Variants in IRF1 observed in about 807,000 individuals in gnomAD.
The protein encoded by IRF1 is interferon regulatory factor 1.
IRF1 carries 13 observed loss-of-function variants against 43.7 expected under a neutral mutation model. The observed-to-expected ratio is 0.30, with a 90% CI of 0.19 to 0.47. The LOEUF is 0.47. IRF1 is among the 20% of genes least tolerant of loss of function. IRF1 has a pLI of 0.99. For synonymous variants in IRF1, 138 were observed against 146.8 expected, an observed-to-expected ratio of 0.94 and a Z score of 0.43; for missense variants, 236 against 408.9, an observed-to-expected ratio of 0.58 and a Z score of 3.65.
intron 7 of IRF1, 87 bp downstream of exon 7, chr5:132,486,164 G>A (rs755030113): frequency 6.0e-5 from 92 of 1,536,108 alleles, no homozygotes; most frequent in Non-Finnish European, 6.3e-5. Flanking sequence ...AGTGCCAGGT[G>A]GAGTTCTGAT....
intron 9 of IRF1, 78 bp downstream of exon 9, chr5:132,484,284 G>GCCCTGC: frequency 6.4e-7 from 1 of 1,569,220 alleles, no homozygotes. Context: ...CTGCTCCCTG[G>GCCCTGC]CCCTGCCCCC....
Position 132,483,972 on chromosome 5 carries a change from C to T in IRF1, c.957G>A (p.Gln319=). Residue 319 remains glutamine, a synonymous_variant, in exon 10 of 10, where the codon CAG becomes CAA. Coordinates refer to ENST00000245414, the MANE Select transcript of IRF1 (RefSeq NM_002198.3). ...LLTPVRLPSI[Q]AIPCAP is the part of the protein sequence containing the mutation. Reference sequence around the variant, plus strand: ...CCTGCTACGGTGCACAGGGAATGGCCTGGATGGAGGGCAACCGGACTGGGG... The same window carrying T: ...CCTGCTACGGTGCACAGGGAATGGCTTGGATGGAGGGCAACCGGACTGGGG... 6.2e-7 allele frequency: 1 copy of T among 1,613,578 alleles called. No homozygotes were observed. Among genetic ancestry groups the T allele is most frequent in the South Asian group, 1.1e-5 (1 of 91,062 alleles).
At chr5:132,487,153 G>C (rs761771413) in intron 3 of IRF1, 23 bp from the exon 4 acceptor site, 4 of 1,610,502 alleles carry the variant, frequency 2.5e-6, no homozygotes, top group Non-Finnish European at 3.4e-6. Context: ...AGAAAAAAGA[G>C]GATCGTCAGG....
In IRF1 at chr5:132,482,028, C is replaced by T. The variant is rs1359244663; in HGVS notation, c.*1923G>A. 6.6e-6 allele frequency: 1 copy of T among 152,136 alleles called. No homozygotes were observed. Among genetic ancestry groups the T allele is most frequent in the African/African-American group, 2.4e-5 (1 of 41,396 alleles). 9.4% of individuals were successfully genotyped at this position (152,136 alleles called of 1,614,324 possible). A position where few individuals can be genotyped will look rare whatever the true frequency, so the allele number is the denominator to read the frequency against. ...TGACAGGAATGTCCCCTCCTTCTGC[C>T]ATTGTCTATGTGAACATAAACAAAA... On this transcript the variant is annotated 3_prime_UTR_variant, in exon 10 of 10. Coordinates refer to ENST00000245414, the MANE Select transcript of IRF1 (RefSeq NM_002198.3).
In IRF1 at chr5:132,490,751, T is replaced by C. The variant is rs1754699889; in HGVS notation, c.-212A>G. On this transcript the variant is annotated 5_prime_UTR_variant, in exon 1 of 10. Transcript: ENST00000245414. This position sits in a 1 kb window ranked among gnomAD's most constrained non-coding sequence, Gnocchi z 5.8. ...GCGGGGCTCGGGCGCACGTCTTGCCTCGACTAAGGAGTGGCGAGCTCTGCC... is the reference window on the plus strand; with the variant it reads ...GCGGGGCTCGGGCGCACGTCTTGCCCCGACTAAGGAGTGGCGAGCTCTGCC... 1 of 152,044 alleles carries C rather than the reference T, an allele frequency of 6.6e-6. No individual in the cohort carries two copies. Among genetic ancestry groups the C allele is most frequent in the South Asian group, 2.1e-4 (1 of 4,834 alleles). 9.4% of individuals were successfully genotyped at this position (152,044 alleles called of 1,614,324 possible).
intron 7 of IRF1, 155 bp downstream of exon 7, chr5:132,486,096 C>G (rs2070725): frequency 1.0e-6 from 1 of 998,836 alleles, no homozygotes; most frequent in African/African-American, 1.6e-5. Context: ...CTAGTGTCCC[C>G]GTCGCTTGCC....
Position 132,490,519 on chromosome 5 carries a change from GC to G in IRF1, c.-6+25del, listed in dbSNP as rs1282018817. On this transcript the variant is annotated intron_variant, in intron 1 of 9. Coordinates refer to ENST00000245414, the MANE Select transcript of IRF1 (RefSeq NM_002198.3). The surrounding 1 kb of genome is among the most constrained non-coding windows in gnomAD (Gnocchi z 5.8). Reference sequence around the variant, plus strand: ...GCGCCTTTTATTCGACGCCGCCGGTGCCCCGCGCCTCAAAGGCGTACTCACC... The same window carrying G: ...GCGCCTTTTATTCGACGCCGCCGGTGCCCGCGCCTCAAAGGCGTACTCACC... The G allele has an allele frequency of 1.3e-5, 2 of 152,128 alleles. No homozygotes were observed. The highest frequency in any genetic ancestry group is 2.9e-5 in the Non-Finnish European group (2 of 68,034). The allele number at this position is 152,128 out of a possible 1,614,324, so 9.4% of individuals were successfully genotyped here.
chr5:132,489,521 TTG>T, intron 1 of IRF1, 38 bp from the exon 2 acceptor site: 1 of 1,560,372 alleles, frequency 6.4e-7, no homozygotes, highest in Non-Finnish European at 8.8e-7. Flanking sequence ...CTGGAATCTG[TTG>T]AACAGTACCT....
chr5:132,486,933 G>A (rs554732260), intron 4 of IRF1, 21 bp downstream of exon 4: 1 of 1,614,014 alleles, frequency 6.2e-7, no homozygotes, highest in East Asian at 2.2e-5. Context: ...GGCTTCCCAA[G>A]GACCCAGAGT....
intron 9 of IRF1, 48 bp downstream of exon 9, chr5:132,484,314 G>T: frequency 6.2e-7 from 1 of 1,606,596 alleles, no homozygotes; most frequent in Non-Finnish European, 8.5e-7. Flanking sequence ...CCATCCCTAC[G>T]TGGTTCTCCC....
intron 8 of IRF1, 33 bp downstream of exon 8, chr5:132,485,634 C>T (rs1446280218): frequency 6.4e-7 from 1 of 1,567,942 alleles, no homozygotes; most frequent in Admixed American, 1.7e-5. Context: ...GAAACGGTCA[C>T]TTCAAGAGTG....
At chr5:132,485,820 G>A in intron 7 of IRF1, 104 bp from the exon 8 acceptor site, 1 of 735,588 alleles carries the variant, frequency 1.4e-6, no homozygotes, top group South Asian at 1.5e-5. Context: ...CTGTCTCTCT[G>A]TCTCTCTGAC....
Position 132,485,675 on chromosome 5 carries a change from T to C in IRF1, c.709A>G (p.Ile237Val). The change falls in exon 8 of 10, where the codon ATC (isoleucine) becomes GTC (valine). Residue 237 changes from isoleucine to valine, a missense_variant. Ile to Val is a conservative substitution (Grantham distance 29). This residue lies in a region of IRF1 where 170 missense variants were observed against 251.8 expected (regional missense o/e 0.68). Transcript: ENST00000245414. ...EDEEGKLPEDIMKLLEQSEWQ... is the reference protein window; with the variant it reads ...EDEEGKLPEDVMKLLEQSEWQ... ...GTAGGAAGGGGCTTTACCTTCATGA[T>C]GTCCTCAGGTAATTTCCCTTCCTCA... 1 of 1,612,596 alleles carries C rather than the reference T, an allele frequency of 6.2e-7. No individual in the cohort carries two copies. The highest frequency in any genetic ancestry group is 8.5e-7 in the Non-Finnish European group (1 of 1,178,714).
rs1754380221 is a variant in IRF1, at chr5:132,481,782, A to G, written c.*2169T>C. 1 of 152,354 alleles carries G rather than the reference A, an allele frequency of 6.6e-6. No homozygotes were observed. Among genetic ancestry groups the G allele is most frequent in the Admixed American group, 6.5e-5 (1 of 15,286 alleles). The allele number at this position is 152,354 out of a possible 1,614,324, so 9.4% of individuals were successfully genotyped here. On this transcript the variant is annotated 3_prime_UTR_variant, in exon 10 of 10. Coordinates refer to ENST00000245414, the MANE Select transcript of IRF1 (RefSeq NM_002198.3). ...AACTGGATGGCAAGTGCTACCCAGC[A>G]CAGCAGCCGTGAGGACCTTTCTTGG...
intron 8 of IRF1, chr5:132,484,832 G>T (rs1271259290): frequency 4.7e-6 from 1 of 210,966 alleles, no homozygotes; most frequent in Non-Finnish European, 9.4e-6. Flanking sequence ...ATCAAGAAAA[G>T]ATGACTAGAA....
chr5:132,484,604 C>T, intron 8 of IRF1, 107 bp from the exon 9 acceptor site: 5 of 1,407,816 alleles, frequency 3.6e-6, no homozygotes, highest in Non-Finnish European at 4.9e-6. Flanking sequence ...ACACCCTTGG[C>T]CATTTTCACA....
In IRF1 at chr5:132,484,348, C is replaced by T. The variant is rs1681839090; in HGVS notation, c.853+14G>A. 6.2e-7 allele frequency: 1 copy of T among 1,613,722 alleles called. No homozygotes were observed. The highest frequency in any genetic ancestry group is 1.1e-5 in the South Asian group (1 of 91,060). Reference sequence around the variant, plus strand: ...CCTCATCTAAGAAGCCATAAGGATCCAGGGCCTTCTTACCCCCTGGGCTGT... The same window carrying T: ...CCTCATCTAAGAAGCCATAAGGATCTAGGGCCTTCTTACCCCCTGGGCTGT... On this transcript the variant is annotated intron_variant, in intron 9 of 9. Coordinates refer to ENST00000245414, the MANE Select transcript of IRF1 (RefSeq NM_002198.3).
At position 132,483,141 on chromosome 5, in the gene IRF1, G is replaced by A. The variant is rs964720631; in HGVS notation, c.*810C>T. 3 of 152,552 alleles carry A rather than the reference G, an allele frequency of 2.0e-5. No individual in the cohort carries two copies. The highest frequency in any genetic ancestry group is 4.4e-5 in the Non-Finnish European group (3 of 68,006). 9.4% of individuals were successfully genotyped at this position (152,552 alleles called of 1,614,324 possible). A position where few individuals can be genotyped will look rare whatever the true frequency, so the allele number is the denominator to read the frequency against. ...TGTACATATTTACACACGTCCTTAT[G>A]TGTTCACACATGACTTAATGGTTAG... is the stretch of plus-strand genomic sequence containing the variant. On this transcript the variant is annotated 3_prime_UTR_variant, in exon 10 of 10. Transcript: ENST00000245414.
chr5:132,482,192 A>T lies in IRF1; in HGVS notation c.*1759T>A, dbSNP rs2126833973. 2 of 151,440 alleles carry T rather than the reference A, an allele frequency of 1.3e-5. No homozygotes were observed. The highest frequency in any genetic ancestry group is 3.4e-3 in the Middle Eastern group (1 of 290). 9.4% of individuals were successfully genotyped at this position (151,440 alleles called of 1,614,324 possible). ...TTCAGCCTCCACAGTAGCTGGGATT[A>T]CAGGCGCCCGCCACCAGGCCCGGCT... On this transcript the variant is annotated 3_prime_UTR_variant, in exon 10 of 10. Coordinates refer to ENST00000245414, the MANE Select transcript of IRF1 (RefSeq NM_002198.3).
Sources: allele counts gnomAD v4.1 joint callset, GRCh38; gene constraint gnomAD v4.1.1; regional missense constraint gnomAD v4.1.1; non-coding constraint Gnocchi (gnomAD v3.1); transcripts MANE v1.5; gene names NCBI Gene and HGNC (gene_info 2026-07-23, HGNC 2026-07-21).